WDTC1: variants seen among roughly 807,000 people sequenced by gnomAD.
WDTC1 encodes WD and tetratricopeptide repeats 1, also known as WD and tetratricopeptide repeats protein 1.
Under a neutral mutation model 76.0 loss-of-function variants are expected in WDTC1, and 12 were observed. That is an observed-to-expected ratio of 0.16 (90% CI 0.10 to 0.26). The LOEUF (loss-of-function observed/expected upper bound fraction) is 0.26. Among genes scored for constraint, WDTC1 ranks in the 10% least tolerant of loss-of-function variants. WDTC1 has a pLI of 1.00. For synonymous variants in WDTC1, 326 were observed against 350.8 expected, an observed-to-expected ratio of 0.93 and a Z score of 0.79; for missense variants, 511 against 908.8, an observed-to-expected ratio of 0.56 and a Z score of 5.63.
At chr1:27,272,281 G>A (rs2012894190) in intron 3 of WDTC1, among the ~76,000 whole-genome samples, 1 of 151,812 alleles carries the variant, frequency 6.6e-6, no homozygotes, top group Admixed American at 6.6e-5. Flanking sequence ...GTAGAGACAA[G>A]GTTTTGCTGT....
Position 27,292,225 on chromosome 1 carries a change from C to A in WDTC1, c.490C>A (p.Leu164Ile). 1 of 1,593,606 alleles carries A rather than the reference C, an allele frequency of 6.3e-7. No homozygotes were observed. The highest frequency in any genetic ancestry group is 1.1e-5 in the South Asian group (1 of 88,288). Residue 164 changes from leucine (L) to isoleucine (I), a missense_variant, in exon 7 of 16, where the codon CTT becomes ATT. Transcript: ENST00000319394. Reference protein sequence around the residue: ...AEDGLIRQYDLRENSKHSEVL... With the variant: ...AEDGLIRQYDIRENSKHSEVL... ...TGTCCTCTCTCACAGCCAGTATGAC[C>A]TTCGAGAGAACAGCAAACACTCGGA... is the stretch of plus-strand genomic sequence containing the variant.
At chr1:27,261,202 C>T in intron 2 of WDTC1, 100 bp downstream of exon 2, 1 of 1,420,038 alleles carries the variant, frequency 7.0e-7, no homozygotes, top group African/African-American at 1.4e-5. Flanking sequence ...TGTGACTTGC[C>T]TAAAGTCACG....
At chr1:27,244,045 A>G (rs2011724562) in intron 1 of WDTC1, among the ~76,000 whole-genome samples, 1 of 151,640 alleles carries the variant, frequency 6.6e-6, no homozygotes, top group South Asian at 2.1e-4. Context: ...CGGGAGGCTG[A>G]TGAGATGGGA....
intron 11 of WDTC1, 51 bp from the exon 12 acceptor site, chr1:27,297,887 G>A: frequency 6.5e-7 from 1 of 1,535,084 alleles, no homozygotes; most frequent in Non-Finnish European, 8.8e-7. Context: ...TCCCTGAGGG[G>A]CTGCTCTGAC....
chr1:27,293,423 C>G (rs1267824642), intron 7 of WDTC1, among the ~76,000 whole-genome samples: 1 of 126,290 alleles, frequency 7.9e-6, no homozygotes, highest in East Asian at 2.4e-4. Context: ...CAGAGTGAGA[C>G]TCAGTCTCAA....
chr1:27,288,164 T>C (rs2013398329), intron 6 of WDTC1, among the ~76,000 whole-genome samples: 1 of 152,144 alleles, frequency 6.6e-6, no homozygotes, highest in African/African-American at 2.4e-5. Context: ...TGAGATTCTC[T>C]GTCCCCAGCT....
chr1:27,271,783 G>A (rs2012874183), intron 3 of WDTC1, among the ~76,000 whole-genome samples: 1 of 151,130 alleles, frequency 6.6e-6, no homozygotes, highest in Admixed American at 6.6e-5. Context: ...GATTACAGGC[G>A]TGTGCTACCA....
Position 27,270,683 on chromosome 1 carries a change from G to A in WDTC1, c.132+7448G>A, listed in dbSNP as rs1482796953. Reference sequence around the variant, plus strand: ...TGCACTCCAGCCTGGGCAACAGAGCGACTCTCCCTCAAAAAATTAAAAATT... The same window carrying A: ...TGCACTCCAGCCTGGGCAACAGAGCAACTCTCCCTCAAAAAATTAAAAATT... On this transcript the variant is annotated intron_variant, in intron 3 of 15. Coordinates refer to ENST00000319394, the MANE Select transcript of WDTC1 (RefSeq NM_001276252.2). Among the ~76,000 whole-genome samples, 4 of 152,198 alleles carry A rather than the reference G, an allele frequency of 2.6e-5. No homozygotes were observed. In the East Asian group the frequency reaches 7.7e-4, roughly 29 times the overall value.
chr1:27,249,670 C>G (rs375845198), intron 1 of WDTC1, among the ~76,000 whole-genome samples: 6 of 152,046 alleles, frequency 3.9e-5, no homozygotes, highest in East Asian at 3.9e-4. Flanking sequence ...CTTCAAACTC[C>G]TGGGTTCAAG....
intron 2 of WDTC1, among the ~76,000 whole-genome samples, chr1:27,262,463 A>ACC (rs2012511742): frequency 3.3e-5 from 5 of 151,458 alleles, no homozygotes; most frequent in Non-Finnish European, 5.9e-5. Flanking sequence ...ATCTTGGCTC[A>ACC]TTGCAACCTC....
chr1:27,287,908 T>C, intron 6 of WDTC1, 47 bp downstream of exon 6: 1 of 1,576,570 alleles, frequency 6.3e-7, no homozygotes, highest in Non-Finnish European at 8.6e-7. Flanking sequence ...CCCCATCCCA[T>C]CATCCTATAG....
At chr1:27,286,708 C>T (rs984672403) in intron 5 of WDTC1, among the ~76,000 whole-genome samples, 2 of 151,556 alleles carry the variant, frequency 1.3e-5, no homozygotes, top group African/African-American at 2.4e-5. Flanking sequence ...GTGATCTGCC[C>T]GCCTCAGCCT....
chr1:27,303,631 G>A lies in WDTC1; in HGVS notation c.1479G>A (p.Lys493=), dbSNP rs2013883303. The A allele has an allele frequency of 6.3e-7, 1 of 1,597,374 alleles. No individual in the cohort carries two copies. The highest frequency in any genetic ancestry group is 8.5e-7 in the Non-Finnish European group (1 of 1,174,468). The stretch of plus-strand genomic sequence containing the variant: ...GATCTCTGCCCCCAGAGGAGAAGAA[G>A]GGACCTGGTGGCGGCGCCCCAGTCC... The part of the protein sequence containing the change: ...LFSKNDGEEK[K]GPGGGAPVRL... Residue 493 remains lysine, a synonymous_variant, in exon 14 of 16, where the codon AAG becomes AAA. Transcript: ENST00000319394. This position sits in a 1 kb window ranked among gnomAD's most constrained non-coding sequence, Gnocchi z 4.8.
At chr1:27,287,541 C>A (rs530431587) in intron 5 of WDTC1, 133 bp from the exon 6 acceptor site, 4 of 1,007,486 alleles carry the variant, frequency 4.0e-6, no homozygotes. Flanking sequence ...CATGAGCCAC[C>A]GCGCCCAGCC....
rs768474695 is a variant in WDTC1 at position 27,292,299 on chromosome 1, G to A, written c.564G>A (p.Lys188=). 1.2e-6 allele frequency: 2 copies of A among 1,613,254 alleles called. No homozygotes were observed. Among genetic ancestry groups the A allele is most frequent in the East Asian group, 4.5e-5 (2 of 44,814 alleles). The change falls in exon 7 of 16, where the codon AAG becomes AAA. Residue 188 remains lysine (K), a synonymous_variant. Transcript: ENST00000319394. The part of the protein sequence containing the change: ...TEYCGQLVEA[K]CLTVNPQDNN... ...ACTGTGGCCAGCTGGTGGAGGCCAA[G>A]TGCCTCACTGTCAACCCCCAGGACA...
intron 1 of WDTC1, among the ~76,000 whole-genome samples, chr1:27,256,024 T>A (rs1390248942): frequency 6.6e-6 from 1 of 152,176 alleles, no homozygotes; most frequent in African/African-American, 2.4e-5. Context: ...TGTAGTTGTA[T>A]GCAACAGAAA....
chr1:27,284,658 C>G (rs1206541089), intron 5 of WDTC1, among the ~76,000 whole-genome samples: 5 of 151,768 alleles, frequency 3.3e-5, no homozygotes, highest in African/African-American at 1.2e-4. Flanking sequence ...CATCAGAGCA[C>G]AAGACATTGA....
intron 1 of WDTC1, among the ~76,000 whole-genome samples, chr1:27,240,248 A>G (rs2011589110): frequency 6.6e-6 from 1 of 152,144 alleles, no homozygotes; most frequent in Admixed American, 6.5e-5. Flanking sequence ...GGAAGGTATT[A>G]CCATTATCCC....
In WDTC1 at chr1:27,303,261, C is replaced by CAA. The variant is rs200592908; in HGVS notation, c.1469-345_1469-344dup. ...TGCACTCCAGCCTGCGTGACCATCT[C>CAA]AAAAAAAAAAAAAAAAGTCATCCAT... On this transcript the variant is annotated intron_variant, in intron 13 of 15. Coordinates refer to ENST00000319394, the MANE Select transcript of WDTC1 (RefSeq NM_001276252.2). This position sits in a 1 kb window ranked among gnomAD's most constrained non-coding sequence, Gnocchi z 4.8. Among the ~76,000 whole-genome samples the CAA allele has an allele frequency of 0.03, 3,801 of 128,076 alleles. 73 individuals carry two copies. The highest frequency in any genetic ancestry group is 0.06 in the Middle Eastern group (14 of 232). The allele number at this position is 128,076 out of a possible 152,430, so 84.0% of individuals were successfully genotyped here.
Sources: gnomAD v4.1 joint callset for allele counts (sites outside exome capture counted in the v4.1 genomes callset) on GRCh38, gnomAD v4.1.1 for gene constraint, Gnocchi (gnomAD v3.1) non-coding constraint, MANE v1.5 for transcripts, NCBI Gene and HGNC (gene_info 2026-07-23, HGNC 2026-07-21) for gene names.